FBXO31: variants seen among roughly 807,000 people sequenced by gnomAD.
FBXO31 encodes F-box only protein 31.
FBXO31 carries 24 observed loss-of-function variants against 54.4 expected under a neutral mutation model. The ratio of observed to expected loss-of-function variants is 0.44; its 90% CI spans 0.32 to 0.62. The LOEUF (loss-of-function observed/expected upper bound fraction) is 0.62, where lower values mean the gene tolerates loss of function less well. Among genes scored for constraint, FBXO31 ranks in the 20% least tolerant of loss-of-function variants. FBXO31 has a pLI of 0.05. For missense variants in FBXO31, 665 were observed against 787.1 expected (o/e 0.84, Z 1.86); for synonymous variants, 388 against 335.6 (o/e 1.16, Z -1.71).
In FBXO31 at chr16:87,336,034, G is replaced by A. The variant is rs990457287; in HGVS notation, c.842+121C>T. ...TACTCCCAGCCCCCAGCAGGAGAGA[G>A]GGCTGAACCCCAGCACCCACTGAGA... On this transcript the variant is annotated intron_variant, in intron 6 of 8. Coordinates refer to ENST00000311635, the MANE Select transcript of FBXO31 (RefSeq NM_024735.5). The surrounding 1 kb of genome is among the most constrained non-coding windows in gnomAD (Gnocchi z 6.5). 16 of 728,456 alleles carry A rather than the reference G, an allele frequency of 2.2e-5. No homozygotes were observed. Among genetic ancestry groups the A allele is most frequent in the Admixed American group, 8.1e-5 (3 of 37,020 alleles). 45.1% of individuals were successfully genotyped at this position (728,456 alleles called of 1,614,324 possible).
chr16:87,375,420 G>A (rs915246211), intron 1 of FBXO31, among the ~76,000 whole-genome samples: 2 of 152,180 alleles, frequency 1.3e-5, no homozygotes, highest in Non-Finnish European at 2.9e-5. Context: ...GAACCCGGGA[G>A]GTAGAGGATG....
At chr16:87,351,034 G>A (rs539453978) in intron 2 of FBXO31, among the ~76,000 whole-genome samples, 7 of 152,322 alleles carry the variant, frequency 4.6e-5, no homozygotes, top group South Asian at 2.1e-4. Flanking sequence ...AGTCTGTGAC[G>A]GCCACCAAAA....
At chr16:87,342,782 T>C (rs898716814) in intron 5 of FBXO31, 95 bp downstream of exon 5, 1 of 1,049,006 alleles carries the variant, frequency 9.5e-7, no homozygotes, top group Non-Finnish European at 1.4e-6. Flanking sequence ...GCAGGTCGCA[T>C]GCTGCTGACT....
chr16:87,336,054 C>T lies in FBXO31; in HGVS notation c.842+101G>A, dbSNP rs930312531. 6.9e-5 allele frequency: 65 copies of T among 941,056 alleles called. No homozygotes were observed. Among genetic ancestry groups the T allele is most frequent in the Non-Finnish European group, 9.4e-5 (58 of 615,708 alleles). The allele number at this position is 941,056 out of a possible 1,614,324, so 58.3% of individuals were successfully genotyped here. A position where few individuals can be genotyped will look rare whatever the true frequency, so the allele number is the denominator to read the frequency against. The stretch of plus-strand genomic sequence containing the variant: ...AGAGAGGGCTGAACCCCAGCACCCA[C>T]TGAGACAAAGGACTATGCCCCAGCA... On this transcript the variant is annotated intron_variant, in intron 6 of 8. Coordinates refer to ENST00000311635, the MANE Select transcript of FBXO31 (RefSeq NM_024735.5). This position sits in a 1 kb window ranked among gnomAD's most constrained non-coding sequence, Gnocchi z 6.5.
At chr16:87,365,257 G>C (rs1038579348) in intron 1 of FBXO31, among the ~76,000 whole-genome samples, 1 of 151,142 alleles carries the variant, frequency 6.6e-6, no homozygotes, top group Non-Finnish European at 1.5e-5. Flanking sequence ...CTGAGCAGGG[G>C]CAGCGAGCTC....
At chr16:87,341,853 C>A (rs989303994) in intron 5 of FBXO31, among the ~76,000 whole-genome samples, 1 of 152,106 alleles carries the variant, frequency 6.6e-6, no homozygotes, top group Non-Finnish European at 1.5e-5. Context: ...ACATTTGGTT[C>A]ATCTCAACCT....
At chr16:87,377,486 G>A (rs934632864) in intron 1 of FBXO31, among the ~76,000 whole-genome samples, 18 of 152,102 alleles carry the variant, frequency 1.2e-4, no homozygotes, top group Admixed American at 7.2e-4. Context: ...CACTATAAAT[G>A]AAGTTGAAAA....
intron 1 of FBXO31, among the ~76,000 whole-genome samples, chr16:87,373,067 G>A (rs1906670422): frequency 7.3e-6 from 1 of 137,072 alleles, no homozygotes; most frequent in Non-Finnish European, 1.6e-5. Context: ...ATGTTGCCCA[G>A]GCTGGTCTCC....
chr16:87,362,181 A>T (rs1423599394), intron 1 of FBXO31, among the ~76,000 whole-genome samples: 2 of 152,168 alleles, frequency 1.3e-5, no homozygotes, highest in Non-Finnish European at 2.9e-5. Context: ...CACAAATAGC[A>T]TTCACATTTT....
At position 87,329,417 on chromosome 16, in the gene FBXO31, C is replaced by T. The variant is rs962959012; in HGVS notation, c.*1871G>A. ...AGCCCCAAAGGGCACGCCTCTAGGA[C>T]TGCGTCCCTTAGAGCGAGGCTCGGG... On this transcript the variant is annotated 3_prime_UTR_variant, in exon 9 of 9. Coordinates refer to ENST00000311635, the MANE Select transcript of FBXO31 (RefSeq NM_024735.5). The T allele has an allele frequency of 6.6e-6, 1 of 152,304 alleles. No individual in the cohort carries two copies. The highest frequency in any genetic ancestry group is 2.4e-5 in the African/African-American group (1 of 41,478). The allele number at this position is 152,304 out of a possible 1,614,324, so 9.4% of individuals were successfully genotyped here. A position where few individuals can be genotyped will look rare whatever the true frequency, so the allele number is the denominator to read the frequency against.
upstream of FBXO31, among the ~76,000 whole-genome samples, chr16:87,385,227 G>A (rs1907286685): frequency 6.6e-6 from 1 of 152,200 alleles, no homozygotes; most frequent in Non-Finnish European, 1.5e-5. Flanking sequence ...GGGAGGCCGA[G>A]GCGGGCAGAT....
At chr16:87,370,348 G>A (rs1906546325) in intron 1 of FBXO31, among the ~76,000 whole-genome samples, 1 of 152,224 alleles carries the variant, frequency 6.6e-6, no homozygotes, top group Non-Finnish European at 1.5e-5. Context: ...TGGCACTAGG[G>A]GGACTGCAGT....
chr16:87,339,659 G>C (rs1905132661), intron 5 of FBXO31, among the ~76,000 whole-genome samples: 1 of 152,222 alleles, frequency 6.6e-6, no homozygotes, highest in South Asian at 2.1e-4. Flanking sequence ...TGTCGGATGG[G>C]GGTGTGGACA....
Position 87,328,995 on chromosome 16 carries a change from G to A in FBXO31, c.*2293C>T, listed in dbSNP as rs1371539061. 6.6e-6 allele frequency: 1 copy of A among 152,296 alleles called. No homozygotes were observed. The allele number at this position is 152,296 out of a possible 1,614,324, so 9.4% of individuals were successfully genotyped here. A position where few individuals can be genotyped will look rare whatever the true frequency, so the allele number is the denominator to read the frequency against. ...GCCACCTGCAGGATCCCCTGAGAGG[G>A]TGGATGCCCTCCCCCGGAAGGGAAG... On this transcript the variant is annotated 3_prime_UTR_variant, in exon 9 of 9. Coordinates refer to ENST00000311635, the MANE Select transcript of FBXO31 (RefSeq NM_024735.5).
At chr16:87,347,668 A>C (rs1176768189) in intron 2 of FBXO31, among the ~76,000 whole-genome samples, 2 of 147,242 alleles carry the variant, frequency 1.4e-5, no homozygotes, top group African/African-American at 5.1e-5. Context: ...CGACAGAGGG[A>C]AACTCAGTCT....
chr16:87,355,885 A>G (rs1905869703), intron 2 of FBXO31, among the ~76,000 whole-genome samples: 1 of 152,182 alleles, frequency 6.6e-6, no homozygotes, highest in Non-Finnish European at 1.5e-5. Context: ...CGGCCTCCCC[A>G]GAGGCTGGTC....
At chr16:87,343,572 G>C in intron 4 of FBXO31, 26 bp downstream of exon 4, 1 of 1,571,440 alleles carries the variant, frequency 6.4e-7, no homozygotes. Context: ...GGGACAGTGA[G>C]GACCCAGCCC....
chr16:87,370,391 A>G (rs1168087653), intron 1 of FBXO31, among the ~76,000 whole-genome samples: 1 of 152,220 alleles, frequency 6.6e-6, no homozygotes, highest in Admixed American at 6.5e-5. Flanking sequence ...TCCCAAAAGC[A>G]CCACTTGAGA....
chr16:87,373,768 T>A (rs911436337), intron 1 of FBXO31, among the ~76,000 whole-genome samples: 8 of 152,198 alleles, frequency 5.3e-5, no homozygotes, highest in Non-Finnish European at 8.8e-5. Context: ...TCAGCCACGT[T>A]TAACCAAAGC....
Sources: allele counts gnomAD v4.1 joint callset (sites outside exome capture counted in the v4.1 genomes callset), GRCh38; gene constraint gnomAD v4.1.1; non-coding constraint Gnocchi (gnomAD v3.1); transcripts MANE v1.5; gene names NCBI Gene and HGNC (gene_info 2026-07-23, HGNC 2026-07-21).